SYNE1: variants seen among roughly 807,000 people sequenced by gnomAD.
The protein encoded by SYNE1 is spectrin repeat containing nuclear envelope protein 1.
Under a neutral mutation model 1,111.0 loss-of-function variants are expected in SYNE1, and 616 were observed. That is an observed-to-expected ratio of 0.55 (90% CI 0.52 to 0.59). The LOEUF is 0.59. SYNE1 is among the 20% of genes least tolerant of loss of function. The pLI, the probability that SYNE1 is intolerant of heterozygous loss-of-function variation, is 0.00. For missense variants in SYNE1, 10,006 were observed against 10,417.0 expected (o/e 0.96, Z 1.72); for synonymous variants, 3,855 against 3,825.8 (o/e 1.01, Z -0.28).
At chr6:152,524,057 T>C (rs367705887) in intron 5 of SYNE1, among the ~76,000 whole-genome samples, 1 of 152,172 alleles carries the variant, frequency 6.6e-6, no homozygotes, top group East Asian at 1.9e-4. Flanking sequence ...CCTTGCCTGA[T>C]TGTTCTGGCT....
chr6:152,433,625 G>T (rs1028197576), intron 34 of SYNE1, 170 bp downstream of exon 34: 6 of 683,610 alleles, frequency 8.8e-6, no homozygotes, highest in Non-Finnish European at 1.2e-5. Context: ...TATAAATGTT[G>T]CCCAGTATTA....
At chr6:152,586,655 TAC>T (rs10530898) in intron 3 of SYNE1, among the ~76,000 whole-genome samples, 63,322 of 149,176 alleles carry the variant, frequency 0.42, 13,469 homozygotes, top group South Asian at 0.51. Flanking sequence ...CATACTCTCA[TAC>T]ACACACACAC....
intron 22 of SYNE1, among the ~76,000 whole-genome samples, chr6:152,458,222 A>G (rs1281144852): frequency 6.6e-6 from 1 of 152,200 alleles, no homozygotes; most frequent in Non-Finnish European, 1.5e-5. Flanking sequence ...GAGAAATAAT[A>G]GAAAGTCCTT....
chr6:152,269,679 G>A (rs1357089227), intron 98 of SYNE1, among the ~76,000 whole-genome samples: 3 of 151,992 alleles, frequency 2.0e-5, no homozygotes, highest in Admixed American at 6.5e-5. Flanking sequence ...CACAATAATT[G>A]TGTCTCTCCC....
At chr6:152,595,701 G>A (rs1470292451) in intron 3 of SYNE1, among the ~76,000 whole-genome samples, 2 of 152,114 alleles carry the variant, frequency 1.3e-5, no homozygotes, top group Non-Finnish European at 2.9e-5. Flanking sequence ...GTGGGAAAAT[G>A]CAATTGGCTC....
chr6:152,209,487 C>T (rs2077124348), intron 124 of SYNE1, among the ~76,000 whole-genome samples: 3 of 152,230 alleles, frequency 2.0e-5, no homozygotes, highest in South Asian at 4.2e-4. Flanking sequence ...CGGTGACTCA[C>T]GTCTTTAATC....
chr6:152,393,445 A>G (rs933615683), intron 51 of SYNE1, among the ~76,000 whole-genome samples: 2 of 152,026 alleles, frequency 1.3e-5, no homozygotes, highest in African/African-American at 4.8e-5. Context: ...TAGTTTTCAG[A>G]AAGTTATATG....
intron 3 of SYNE1, among the ~76,000 whole-genome samples, chr6:152,627,870 G>A (rs2128977245): frequency 6.6e-6 from 1 of 152,084 alleles, no homozygotes; most frequent in South Asian, 2.1e-4. Context: ...TCACCTATTT[G>A]ACAATAGCAT....
chr6:152,303,328 G>C (rs374614777), intron 91 of SYNE1, among the ~76,000 whole-genome samples: 1 of 150,476 alleles, frequency 6.6e-6, no homozygotes, highest in African/African-American at 2.4e-5. Flanking sequence ...GCTTGAACCC[G>C]GGAGATGGAG....
chr6:152,505,393 T>C lies in SYNE1; in HGVS notation c.586A>G (p.Thr196Ala), dbSNP rs773890189. The C allele has an allele frequency of 1.5e-5, 24 of 1,613,752 alleles. No individual in the cohort carries two copies. The highest frequency in any genetic ancestry group is 1.6e-4 in the Middle Eastern group (1 of 6,078). ...KWVQYTAGKQ[T>A]GIEVKDFGKS... ...CCAAAATCTTTTACTTCTATTCCAG[T>C]CTGCCTTTGTGTTATAAAAACATAA... Residue 196 changes from threonine to alanine, a missense_variant, in exon 9 of 146, where the codon ACT becomes GCT. Thr to Ala is a moderately conservative substitution (Grantham distance 58, BLOSUM62 0). This residue lies in a region of SYNE1 where 1,971 missense variants were observed against 2,084.1 expected (regional missense o/e 0.95). Transcript: ENST00000367255.
In SYNE1 at chr6:152,387,143, C is replaced by T; in HGVS notation, c.8416G>A (p.Asp2806Asn). ...TGAGCTGTGTCCTTGAAAGACTCAT[C>T]CTCTGTCTTTTCGTAGAGCTCCCTG... Reference protein sequence around the residue: ...KSRELYEKTEDESFKDTAQEE... With the variant: ...KSRELYEKTENESFKDTAQEE... Residue 2806 changes from aspartate (D) to asparagine (N), a missense_variant, in exon 54 of 146, where the codon GAT becomes AAT. Coordinates refer to ENST00000367255, the MANE Select transcript of SYNE1 (RefSeq NM_182961.4). 1.2e-6 allele frequency: 2 copies of T among 1,614,164 alleles called. No homozygotes were observed. The highest frequency in any genetic ancestry group is 8.5e-7 in the Non-Finnish European group (1 of 1,180,022).
intron 32 of SYNE1, 68 bp downstream of exon 32, chr6:152,441,062 G>A (rs1245211165): frequency 6.4e-7 from 1 of 1,568,266 alleles, no homozygotes; most frequent in Non-Finnish European, 8.8e-7. Flanking sequence ...TAATAATGGA[G>A]GAGAAATCAT....
Position 152,416,850 on chromosome 6 carries a change from G to A in SYNE1, c.5587C>T (p.Arg1863Trp), listed in dbSNP as rs769949513. 5 of 1,613,918 alleles carry A rather than the reference G, an allele frequency of 3.1e-6. No homozygotes were observed. Among genetic ancestry groups the A allele is most frequent in the African/African-American group, 2.7e-5 (2 of 74,908 alleles). ...GCCAAATGGGACAGGGCAAGCTGCC[G>A]CCTCTCCACAACCTGGCTGGCCTCC... is the stretch of plus-strand genomic sequence containing the variant. ...FEEASQVVER[R>W]QLALSHLAEF... The change falls in exon 41 of 146, where the codon CGG (arginine) becomes TGG (tryptophan). Residue 1863 changes from arginine to tryptophan, a missense_variant. Arg to Trp is a moderately radical substitution (Grantham distance 101). Coordinates refer to ENST00000367255, the MANE Select transcript of SYNE1 (RefSeq NM_182961.4).
At chr6:152,325,929 A>T in intron 80 of SYNE1, 29 bp downstream of exon 80, 1 of 1,613,402 alleles carries the variant, frequency 6.2e-7, no homozygotes, top group Non-Finnish European at 8.5e-7. Flanking sequence ...TAGAAAAAGG[A>T]TTTTTTTTAA....
Position 152,401,160 on chromosome 6 carries a change from C to G in SYNE1, c.7007G>C (p.Cys2336Ser). 1.2e-6 allele frequency: 2 copies of G among 1,614,084 alleles called. No individual in the cohort carries two copies. Among genetic ancestry groups the G allele is most frequent in the East Asian group, 4.5e-5 (2 of 44,874 alleles). The stretch of plus-strand genomic sequence containing the variant: ...TACCTTGACTTTTTTCAATGCTTCA[C>G]AAGTCTCATTTTGGGCACAGTTCAT... ...SLMNCAQNETCEALKKVKDIQ... is the reference protein window; with the variant it reads ...SLMNCAQNETSEALKKVKDIQ... Residue 2336 changes from cysteine to serine, a missense_variant, in exon 47 of 146, where the codon TGT (cysteine) becomes TCT (serine). Around this residue, in one of 7 missense-constraint regions of SYNE1, gnomAD observed 4,955 missense variants for 5,017.2 expected, o/e 0.99. Coordinates refer to ENST00000367255, the MANE Select transcript of SYNE1 (RefSeq NM_182961.4).
intron 22 of SYNE1, 151 bp downstream of exon 22, chr6:152,458,606 T>C: frequency 1.3e-6 from 1 of 775,642 alleles, no homozygotes; most frequent in Non-Finnish European, 2.1e-6. Flanking sequence ...ATTTTCATCT[T>C]TGGACAAGAC....
chr6:152,454,625 A>T (rs1411314319), intron 24 of SYNE1, among the ~76,000 whole-genome samples: 1 of 152,250 alleles, frequency 6.6e-6, no homozygotes, highest in African/African-American at 2.4e-5. Flanking sequence ...ATTACATATG[A>T]CTAAGTCTCA....
In SYNE1 at chr6:152,609,756, G is replaced by T. The variant is rs1470629953; in HGVS notation, c.67+18509C>A. Among the ~76,000 whole-genome samples, 3 of 152,078 alleles carry T rather than the reference G, an allele frequency of 2.0e-5. 1 individual carries two copies. The South Asian group carries it at 6.2e-4, about 32-fold the overall frequency. ...ACACCTCATATAGGCAGGTCTATAT[G>T]GGGATGAAGTTTCCAGGGGAACGAT... On this transcript the variant is annotated intron_variant, in intron 3 of 145. Transcript: ENST00000367255.
intron 39 of SYNE1, among the ~76,000 whole-genome samples, chr6:152,420,454 T>C (rs991575772): frequency 2.6e-5 from 4 of 152,158 alleles, no homozygotes; most frequent in Non-Finnish European, 5.9e-5. Context: ...ACTCCATTTC[T>C]ACTAAAAATA....
Sources: gnomAD v4.1 joint callset for allele counts (sites outside exome capture counted in the v4.1 genomes callset) on GRCh38, gnomAD v4.1.1 for gene constraint, gnomAD v4.1.1 regional missense constraint, MANE v1.5 for transcripts, NCBI Gene and HGNC (gene_info 2026-07-23, HGNC 2026-07-21) for gene names.